The following FMNL3 variants were observed in gnomAD, a reference collection of about 807,000 sequenced individuals.
The protein encoded by FMNL3 is formin like 3, also known as formin-like protein 3.
In FMNL3, 57 loss-of-function variants were observed where a neutral mutation model predicts 119.6. The observed-to-expected ratio is 0.48, with a 90% CI of 0.39 to 0.59. The LOEUF (loss-of-function observed/expected upper bound fraction) is 0.59, where lower values mean the gene tolerates loss of function less well. Ranked by LOEUF, FMNL3 falls within the 20% of genes least tolerant of loss-of-function variation. FMNL3 has a pLI of 0.00. For synonymous variants in FMNL3, 491 were observed against 507.3 expected, an observed-to-expected ratio of 0.97 and a Z score of 0.43; for missense variants, 1,053 against 1,323.5, an observed-to-expected ratio of 0.80 and a Z score of 3.17.
Position 49,656,876 on chromosome 12 carries a change from G to A in FMNL3, c.738C>T (p.Ser246=), listed in dbSNP as rs1385240421. Residue 246 remains serine, a synonymous_variant, in exon 8 of 26, where the codon TCC becomes TCT. Transcript: ENST00000335154. Reference sequence around the variant, plus strand: ...CAATCTCATTGACAGCATGGGGGTGGGACATGACCAGGTTGAATCCGTACT... The same window carrying A: ...CAATCTCATTGACAGCATGGGGGTGAGACATGACCAGGTTGAATCCGTACT... ...NYQYGFNLVM[S]HPHAVNEIAL... 1.2e-6 allele frequency: 2 copies of A among 1,613,962 alleles called. No individual in the cohort carries two copies. The highest frequency in any genetic ancestry group is 1.1e-5 in the South Asian group (1 of 91,072).
In FMNL3 at chr12:49,688,717, TAGAA is replaced by T. The variant is rs201522877; in HGVS notation, c.126+18334_126+18337del. The T allele has an allele frequency of 2.1e-4, 69 of 322,496 alleles. No individual in the cohort carries two copies. In the East Asian group the frequency reaches 5.1e-3, roughly 24 times the overall value. The allele number at this position is 322,496 out of a possible 1,614,324, so 20.0% of individuals were successfully genotyped here. Reference sequence around the variant, plus strand: ...TCAACTACAGTAGTGGTAGTACAGATAGAAAGGTGAGAGGGACAGCAGCCCAGAC... The same window carrying T: ...TCAACTACAGTAGTGGTAGTACAGATAGGTGAGAGGGACAGCAGCCCAGAC... On this transcript the variant is annotated intron_variant, in intron 1 of 25. Transcript: ENST00000335154.
chr12:49,672,208 C>T (rs1944064061), intron 1 of FMNL3, among the ~76,000 whole-genome samples: 1 of 152,098 alleles, frequency 6.6e-6, no homozygotes, highest in Non-Finnish European at 1.5e-5. Flanking sequence ...ACTCTGACTA[C>T]AGAGCAATCC....
At chr12:49,659,717 G>A (rs532297486) in intron 5 of FMNL3, 11 of 971,612 alleles carry the variant, frequency 1.1e-5, no homozygotes, top group East Asian at 2.3e-4. Flanking sequence ...CCCAGCGACC[G>A]TCAGCAGTTT....
In FMNL3 at chr12:49,643,795, G is replaced by A. The variant is rs1445630259; in HGVS notation, c.*2020C>T. On this transcript the variant is annotated 3_prime_UTR_variant, in exon 26 of 26. Transcript: ENST00000335154. ...TACCTAAGCCCCTGCTATTTTGTGA[G>A]TTCTGTTCTACCTGCCTCCCAGGCT... The A allele has an allele frequency of 5.6e-6, 9 of 1,613,632 alleles. No homozygotes were observed. Among genetic ancestry groups the A allele is most frequent in the Non-Finnish European group, 6.8e-6 (8 of 1,179,904 alleles).
rs541868548 is a variant in FMNL3 at position 49,646,791 on chromosome 12, T to C, written c.2995+95A>G. Reference sequence around the variant, plus strand: ...AGAGAGACACAGTGGTCAGGCCTCATGGGGGGTGGGGTGGGAGGAGAGCCC... The same window carrying C: ...AGAGAGACACAGTGGTCAGGCCTCACGGGGGGTGGGGTGGGAGGAGAGCCC... On this transcript the variant is annotated intron_variant, in intron 25 of 25. Coordinates refer to ENST00000335154, the MANE Select transcript of FMNL3 (RefSeq NM_175736.5). The C allele has an allele frequency of 8.3e-6, 13 of 1,573,774 alleles. No homozygotes were observed. The East Asian group carries it at 3.0e-4, about 36-fold the overall frequency.
At chr12:49,646,849 G>C in intron 25 of FMNL3, 37 bp downstream of exon 25, 1 of 1,611,340 alleles carries the variant, frequency 6.2e-7, no homozygotes, top group East Asian at 2.2e-5. Context: ...GGAGCTGGGT[G>C]CAATGGCCAG....
rs1349640055 is a variant in FMNL3, at chr12:49,638,624, A to G, written c.*7191T>C. ...GTTCCAAAAGAAAAAAACAAAGAGC[A>G]TATTTCTTTATGGAAGTGAAGATTC... On this transcript the variant is annotated 3_prime_UTR_variant, in exon 26 of 26. Coordinates refer to ENST00000335154, the MANE Select transcript of FMNL3 (RefSeq NM_175736.5). The G allele has an allele frequency of 1.3e-5, 2 of 152,242 alleles. No individual in the cohort carries two copies. Among genetic ancestry groups the G allele is most frequent in the African/African-American group, 4.8e-5 (2 of 41,462 alleles). The allele number at this position is 152,242 out of a possible 1,614,324, so 9.4% of individuals were successfully genotyped here.
At position 49,666,145 on chromosome 12, in the gene FMNL3, G is replaced by A; in HGVS notation, c.273C>T (p.Asp91=). Reference sequence around the variant, plus strand: ...ACTTCACCTTCCGAGTTACACTGGGGTCCAAGAAGCTCTGGAGTTTCTGAA... The same window carrying A: ...ACTTCACCTTCCGAGTTACACTGGGATCCAAGAAGCTCTGGAGTTTCTGAA... ...TYIQKLQSFL[D]PSVTRKKFRR... Residue 91 remains aspartate (D), a synonymous_variant, in exon 3 of 26, where the codon GAC becomes GAT. Transcript: ENST00000335154. 1 of 1,614,120 alleles carries A rather than the reference G, an allele frequency of 6.2e-7. No individual in the cohort carries two copies. Among genetic ancestry groups the A allele is most frequent in the South Asian group, 1.1e-5 (1 of 91,076 alleles).
chr12:49,699,080 C>T (rs1469406637), intron 1 of FMNL3, among the ~76,000 whole-genome samples: 3 of 152,304 alleles, frequency 2.0e-5, no homozygotes, highest in Admixed American at 6.5e-5. Context: ...CCTGGCTCTG[C>T]TATTGCTCAG....
intron 4 of FMNL3, among the ~76,000 whole-genome samples, chr12:49,665,302 T>C (rs1245489982): frequency 6.6e-6 from 1 of 151,856 alleles, no homozygotes; most frequent in Non-Finnish European, 1.5e-5. Context: ...TCTGTGAATA[T>C]AGAAAACATT....
Position 49,652,006 on chromosome 12 carries a change from T to C in FMNL3, c.1530A>G (p.Pro510=), listed in dbSNP as rs746752579. ...PSDLDLLAPA[P]PPEEVLPLPP... ...GAAGAGGCAGGACCTCCTCAGGGGGTGGGGCTGGAGCCAGAAGGTCCAGGT... is the reference window on the plus strand; with the variant it reads ...GAAGAGGCAGGACCTCCTCAGGGGGCGGGGCTGGAGCCAGAAGGTCCAGGT... Residue 510 remains proline, a synonymous_variant, in exon 14 of 26, where the codon CCA becomes CCG. Transcript: ENST00000335154. The C allele has an allele frequency of 9.4e-6, 15 of 1,604,120 alleles. No individual in the cohort carries two copies. In the African/African-American group the frequency reaches 1.9e-4, roughly 20 times the overall value.
chr12:49,676,392 C>T (rs12300962), intron 1 of FMNL3, among the ~76,000 whole-genome samples: 3,562 of 152,184 alleles, frequency 0.023, 142 homozygotes, highest in African/African-American at 0.082. Context: ...GTGGACGAAC[C>T]TTCAACAACT....
At chr12:49,660,783 C>T (rs901636980) in intron 5 of FMNL3, among the ~76,000 whole-genome samples, 2 of 152,202 alleles carry the variant, frequency 1.3e-5, no homozygotes, top group African/African-American at 4.8e-5. Flanking sequence ...CATGGTGAAA[C>T]CCCGTCCCTA....
chr12:49,685,445 G>A (rs1253952861), intron 1 of FMNL3, among the ~76,000 whole-genome samples: 1 of 152,100 alleles, frequency 6.6e-6, no homozygotes, highest in Non-Finnish European at 1.5e-5. Flanking sequence ...CTGGGAGACA[G>A]AGAGAGACTC....
intron 1 of FMNL3, among the ~76,000 whole-genome samples, chr12:49,706,789 G>A (rs1945060003): frequency 1.3e-5 from 2 of 152,224 alleles, no homozygotes; most frequent in Non-Finnish European, 2.9e-5. Context: ...AAGAAGGAGG[G>A]AGAAGCCTGG....
Position 49,642,700 on chromosome 12 carries a change from C to T in FMNL3, c.*3115G>A, listed in dbSNP as rs1188944169. 2 of 1,607,146 alleles carry T rather than the reference C, an allele frequency of 1.2e-6. No homozygotes were observed. The highest frequency in any genetic ancestry group is 2.2e-5 in the South Asian group (2 of 89,992). The stretch of plus-strand genomic sequence containing the variant: ...GGTGAGGCAGGCTTGTCCTCTGGAT[C>T]TGCCTCAGGCCCTTGAACTCATTAG... On this transcript the variant is annotated 3_prime_UTR_variant, in exon 26 of 26. Coordinates refer to ENST00000335154, the MANE Select transcript of FMNL3 (RefSeq NM_175736.5). This position sits in a 1 kb window ranked among gnomAD's most constrained non-coding sequence, Gnocchi z 5.8.
chr12:49,681,773 A>T (rs1944342574), intron 1 of FMNL3, among the ~76,000 whole-genome samples: 1 of 146,466 alleles, frequency 6.8e-6, no homozygotes, highest in Non-Finnish European at 1.5e-5. Flanking sequence ...GCCCAGGCTG[A>T]ACTTGAACTC....
intron 1 of FMNL3, among the ~76,000 whole-genome samples, chr12:49,669,668 CCAAAAATA>C (rs963240188): frequency 6.6e-6 from 1 of 152,066 alleles, no homozygotes; most frequent in African/African-American, 2.4e-5. Flanking sequence ...CCCATCTCTA[CCAAAAATA>C]CAAAAATTAG....
Position 49,649,654 on chromosome 12 carries a change from C to T in FMNL3, c.2235+37G>A, listed in dbSNP as rs1453547565. On this transcript the variant is annotated intron_variant, in intron 18 of 25. Coordinates refer to ENST00000335154, the MANE Select transcript of FMNL3 (RefSeq NM_175736.5). The surrounding 1 kb of genome is among the most constrained non-coding windows in gnomAD (Gnocchi z 5.6). The stretch of plus-strand genomic sequence containing the variant: ...GACTAGCAGATGGAGGGTGGAGGGA[C>T]AGCTGTCCAGAGCCATGAGTTGGGT... 1.2e-6 allele frequency: 2 copies of T among 1,612,372 alleles called. No homozygotes were observed. The highest frequency in any genetic ancestry group is 8.5e-7 in the Non-Finnish European group (1 of 1,178,500).
Sources: allele counts gnomAD v4.1 joint callset (sites outside exome capture counted in the v4.1 genomes callset), GRCh38; gene constraint gnomAD v4.1.1; non-coding constraint Gnocchi (gnomAD v3.1); transcripts MANE v1.5; gene names NCBI Gene and HGNC (gene_info 2026-07-23, HGNC 2026-07-21).